KCNMA1: variants seen among roughly 807,000 people sequenced by gnomAD.
The protein encoded by KCNMA1 is potassium calcium-activated channel subfamily M alpha 1.
In KCNMA1, 29 loss-of-function variants were observed where a neutral mutation model predicts 140.0. The ratio of observed to expected loss-of-function variants is 0.21; its 90% CI spans 0.15 to 0.28. The LOEUF is 0.28. Ranked by LOEUF, KCNMA1 falls within the 10% of genes least tolerant of loss-of-function variation. The pLI is 1.00. For missense variants in KCNMA1, 880 were observed against 1,602.2 expected (o/e 0.55, Z 7.70); for synonymous variants, 612 against 611.9 (o/e 1.00, Z 0.00).
In KCNMA1 at chr10:77,383,816, C is replaced by T. The variant is rs147285054; in HGVS notation, c.540+20046G>A. Among the ~76,000 whole-genome samples the T allele has an allele frequency of 5.9e-5, 9 of 152,290 alleles. No individual in the cohort carries two copies. The East Asian group carries it at 1.7e-3, about 29-fold the overall frequency. On this transcript the variant is annotated intron_variant, in intron 2 of 27. Coordinates refer to ENST00000286628, the MANE Select transcript of KCNMA1 (RefSeq NM_001161352.2). ...TCAAGCGATTCTCCTGCCTCACCTC[C>T]AAAGTAGTTGGGACTACAGGTGTGC...
chr10:77,176,460 GA>G (rs950617921), intron 5 of KCNMA1, among the ~76,000 whole-genome samples: 4 of 151,044 alleles, frequency 2.6e-5, no homozygotes, highest in South Asian at 2.1e-4. Context: ...CCCATGAAAA[GA>G]AAAAAAAATG....
intron 5 of KCNMA1, among the ~76,000 whole-genome samples, chr10:77,169,816 A>T (rs1038705363): frequency 1.3e-5 from 2 of 152,198 alleles, no homozygotes; most frequent in African/African-American, 4.8e-5. Context: ...TAAAGGGGTA[A>T]GTCGAATTTA....
intron 2 of KCNMA1, among the ~76,000 whole-genome samples, chr10:77,325,321 T>C (rs889916690): frequency 3.3e-5 from 5 of 152,130 alleles, no homozygotes; most frequent in African/African-American, 1.2e-4. Context: ...GGCTCAGCAC[T>C]GGGCGTCGAG....
At chr10:77,473,334 T>TGAAG (rs1412760375) in intron 1 of KCNMA1, among the ~76,000 whole-genome samples, 1 of 152,126 alleles carries the variant, frequency 6.6e-6, no homozygotes, top group African/African-American at 2.4e-5. Flanking sequence ...AACGGAGCAG[T>TGAAG]GAAGGCTCTT....
intron 20 of KCNMA1, among the ~76,000 whole-genome samples, chr10:76,960,660 T>C (rs2070986514): frequency 6.7e-6 from 1 of 149,656 alleles, no homozygotes. Context: ...AATTGAAGGT[T>C]TATTTTTCCA....
At chr10:76,941,120 G>A (rs2062123005) in intron 23 of KCNMA1, among the ~76,000 whole-genome samples, 1 of 55,936 alleles carries the variant, frequency 1.8e-5, no homozygotes, top group Non-Finnish European at 3.2e-5. Context: ...GGGAGGGAGG[G>A]AAGGGAAGGG....
At chr10:77,632,165 C>T (rs1468555425) in intron 1 of KCNMA1, among the ~76,000 whole-genome samples, 4 of 152,178 alleles carry the variant, frequency 2.6e-5, no homozygotes, top group African/African-American at 7.2e-5. Flanking sequence ...TGATGTGGCC[C>T]TCCAAAGGGG....
At chr10:76,999,062 G>A (rs2085323574) in intron 19 of KCNMA1, among the ~76,000 whole-genome samples, 1 of 152,232 alleles carries the variant, frequency 6.6e-6, no homozygotes, top group African/African-American at 2.4e-5. Context: ...CGTGTTCCCT[G>A]GTGGGGGCTG....
chr10:76,881,173 T>C (rs1438419531), downstream of KCNMA1, among the ~76,000 whole-genome samples: 1 of 152,120 alleles, frequency 6.6e-6, no homozygotes, highest in Non-Finnish European at 1.5e-5. Context: ...CTGTCCACCA[T>C]GAAGAAGCAA....
chr10:77,216,474 T>C (rs1036355964), intron 3 of KCNMA1, among the ~76,000 whole-genome samples: 1 of 152,164 alleles, frequency 6.6e-6, no homozygotes, highest in African/African-American at 2.4e-5. Flanking sequence ...CTATGGAATC[T>C]AAGTTGCCAC....
At chr10:77,017,036 T>C (rs2092183461) in intron 17 of KCNMA1, among the ~76,000 whole-genome samples, 1 of 152,206 alleles carries the variant, frequency 6.6e-6, no homozygotes, top group Non-Finnish European at 1.5e-5. Context: ...TCACATGCCA[T>C]GGAAAATTAC....
intron 20 of KCNMA1, among the ~76,000 whole-genome samples, chr10:76,962,187 C>T (rs2071787717): frequency 6.6e-6 from 1 of 152,202 alleles, no homozygotes; most frequent in Non-Finnish European, 1.5e-5. Flanking sequence ...GCAAAGACAG[C>T]AAATCCCAGT....
chr10:77,198,967 T>A (rs1021909074), intron 3 of KCNMA1, among the ~76,000 whole-genome samples: 5 of 152,182 alleles, frequency 3.3e-5, no homozygotes, highest in Non-Finnish European at 7.3e-5. Flanking sequence ...CCAGTGTGAA[T>A]GAGCAGTGCA....
intron 2 of KCNMA1, among the ~76,000 whole-genome samples, chr10:77,376,087 TCAGA>T (rs944477869): frequency 2.0e-5 from 3 of 152,186 alleles, no homozygotes; most frequent in African/African-American, 4.8e-5. Flanking sequence ...GAGTTAAAAC[TCAGA>T]CAGGCCACGG....
At chr10:77,007,492 A>C (rs2089244982) in intron 18 of KCNMA1, among the ~76,000 whole-genome samples, 1 of 151,942 alleles carries the variant, frequency 6.6e-6, no homozygotes, top group Non-Finnish European at 1.5e-5. Flanking sequence ...AAGTTGAGTA[A>C]CCAATTAATT....
At chr10:76,967,628 G>C (rs566415326) in intron 20 of KCNMA1, among the ~76,000 whole-genome samples, 12 of 152,172 alleles carry the variant, frequency 7.9e-5, no homozygotes, top group Non-Finnish European at 1.6e-4. Flanking sequence ...ACGTGGTAAG[G>C]GAGGAGTGTC....
chr10:77,446,377 C>T (rs1478440720), intron 1 of KCNMA1, among the ~76,000 whole-genome samples: 2 of 152,184 alleles, frequency 1.3e-5, no homozygotes, highest in South Asian at 2.1e-4. Context: ...TAGCTTCTGG[C>T]CCAGATGCCA....
intron 5 of KCNMA1, among the ~76,000 whole-genome samples, chr10:77,178,469 G>A (rs1242493974): frequency 6.6e-6 from 1 of 152,198 alleles, no homozygotes; most frequent in African/African-American, 2.4e-5. Context: ...CACTTTGGGA[G>A]GCTGAGGCGG....
chr10:77,145,424 C>CA (rs1204287925), intron 5 of KCNMA1, among the ~76,000 whole-genome samples: 13 of 151,940 alleles, frequency 8.6e-5, no homozygotes, highest in Admixed American at 4.6e-4. Context: ...GTGTCTATTC[C>CA]AAAAAAAACT....
Sources: gnomAD v4.1 joint callset for allele counts (sites outside exome capture counted in the v4.1 genomes callset) on GRCh38, gnomAD v4.1.1 for gene constraint, MANE v1.5 for transcripts, NCBI Gene and HGNC (gene_info 2026-07-23, HGNC 2026-07-21) for gene names.